ABCB1: variants seen among roughly 807,000 people sequenced by gnomAD.
The protein encoded by ABCB1 is ATP-dependent translocase ABCB1.
A neutral mutation model predicts 142.0 loss-of-function variants in ABCB1; 69 were observed. The observed-to-expected ratio is 0.49, with a 90% CI of 0.40 to 0.59. The LOEUF (loss-of-function observed/expected upper bound fraction) is 0.59. ABCB1 is among the 20% of genes least tolerant of loss of function. The probability of loss-of-function intolerance (pLI) is 0.00; values close to 1 mark genes in which losing one functional copy is unlikely to be tolerated. For missense variants in ABCB1, 1,326 were observed against 1,554.7 expected, an observed-to-expected ratio of 0.85 and a Z score of 2.47; for synonymous variants, 532 against 539.2, an observed-to-expected ratio of 0.99 and a Z score of 0.18.
intron 1 of ABCB1, among the ~76,000 whole-genome samples, chr7:87,614,756 G>A (rs1273997559): frequency 6.6e-6 from 1 of 151,950 alleles, no homozygotes; most frequent in Non-Finnish European, 1.5e-5. Context: ...CAGTTTAATA[G>A]CATGTTTAGG....
At chr7:87,571,282 G>A (rs1818041713) in intron 4 of ABCB1, among the ~76,000 whole-genome samples, 1 of 151,666 alleles carries the variant, frequency 6.6e-6, no homozygotes, top group African/African-American at 2.4e-5. Flanking sequence ...ATGGAGGGAG[G>A]TGGTTATGTA....
At chr7:87,709,676 G>A (rs1289527113) in intron 1 of ABCB1, among the ~76,000 whole-genome samples, 1 of 152,128 alleles carries the variant, frequency 6.6e-6, no homozygotes, top group Admixed American at 6.6e-5. Flanking sequence ...CATTTCTAGA[G>A]TATGTTTTTT....
intron 4 of ABCB1, among the ~76,000 whole-genome samples, chr7:87,580,030 T>C (rs1818444818): frequency 6.6e-6 from 1 of 151,990 alleles, no homozygotes; most frequent in Non-Finnish European, 1.5e-5. Context: ...TAGTTATTAT[T>C]TTTTATAGGT....
chr7:87,600,025 C>T (rs549930516), intron 2 of ABCB1, 92 bp downstream of exon 2: 2 of 1,238,480 alleles, frequency 1.6e-6, no homozygotes, highest in African/African-American at 1.5e-5. Context: ...TTAAAAACAA[C>T]AACATGTCAT....
At chr7:87,696,284 G>T (rs1828485497) in intron 1 of ABCB1, among the ~76,000 whole-genome samples, 1 of 152,102 alleles carries the variant, frequency 6.6e-6, no homozygotes, top group South Asian at 2.1e-4. Context: ...TTTAAAGGAA[G>T]TCAAAGTATT....
intron 21 of ABCB1, among the ~76,000 whole-genome samples, chr7:87,524,183 T>C (rs913439799): frequency 9.9e-5 from 15 of 152,166 alleles, no homozygotes; most frequent in Admixed American, 9.8e-4. Flanking sequence ...ATTAGTAACA[T>C]TCTTAGAAAC....
At chr7:87,591,899 G>A (rs1235131898) in intron 3 of ABCB1, among the ~76,000 whole-genome samples, 3 of 152,132 alleles carry the variant, frequency 2.0e-5, no homozygotes, top group Non-Finnish European at 2.9e-5. Context: ...CTTTACAGGC[G>A]AGGGCAGCAC....
chr7:87,548,169 A>AAGGGAAGGGAAG (rs1816880471), intron 14 of ABCB1, among the ~76,000 whole-genome samples: 8 of 21,802 alleles, frequency 3.7e-4, no homozygotes, highest in African/African-American at 4.8e-4. Flanking sequence ...GGGGAGGGAA[A>AAGGGAAGGGAAG]GGAAGGGAAG....
intron 14 of ABCB1, among the ~76,000 whole-genome samples, chr7:87,547,080 T>G (rs1816814406): frequency 6.6e-6 from 1 of 152,222 alleles, no homozygotes; most frequent in African/African-American, 2.4e-5. Context: ...AGGCCTTGTC[T>G]GAGACTTCTC....
chr7:87,658,963 G>A (rs949601152), intron 1 of ABCB1, among the ~76,000 whole-genome samples: 2 of 152,120 alleles, frequency 1.3e-5, no homozygotes, highest in South Asian at 4.1e-4. Context: ...ACCAGCCTGG[G>A]CAACATGGCA....
chr7:87,665,642 G>A (rs976759918), intron 1 of ABCB1, among the ~76,000 whole-genome samples: 1 of 152,034 alleles, frequency 6.6e-6, no homozygotes. Flanking sequence ...TATTACCCAG[G>A]TAATGAGCAT....
chr7:87,552,551 C>T (rs1285716243), intron 9 of ABCB1, among the ~76,000 whole-genome samples: 3 of 151,900 alleles, frequency 2.0e-5, no homozygotes, highest in Non-Finnish European at 4.4e-5. Context: ...TATATTCATG[C>T]CCAGTGAACA....
chr7:87,668,912 G>C (rs1200729234), intron 1 of ABCB1, among the ~76,000 whole-genome samples: 4 of 152,142 alleles, frequency 2.6e-5, no homozygotes, highest in African/African-American at 7.2e-5. Context: ...GTCAGTTTTA[G>C]AGTATGTGCC....
rs190588232 is a variant in ABCB1, at chr7:87,550,128, A to C, written c.1350+43T>G. ...CAACATCAGAAAGATGTGCAATGTG[A>C]CTGCTGATCACCGCAGGGTCTAGCT... On this transcript the variant is annotated intron_variant, in intron 12 of 27. Coordinates refer to ENST00000622132, the MANE Select transcript of ABCB1 (RefSeq NM_001348946.2). 46 of 1,614,128 alleles carry C rather than the reference A, an allele frequency of 2.8e-5. No individual in the cohort carries two copies. In the East Asian group the frequency reaches 8.0e-4, roughly 28 times the overall value.
intron 21 of ABCB1, among the ~76,000 whole-genome samples, chr7:87,530,438 G>A (rs1233544835): frequency 6.6e-6 from 1 of 152,068 alleles, no homozygotes; most frequent in East Asian, 1.9e-4. Context: ...GCCATGACCT[G>A]CCTGTGCCTC....
chr7:87,553,376 A>G (rs1266308211), intron 9 of ABCB1, among the ~76,000 whole-genome samples: 1 of 134,346 alleles, frequency 7.4e-6, no homozygotes, highest in Non-Finnish European at 1.5e-5. Context: ...GCTGCGGTGC[A>G]GTGGCGCAAT....
chr7:87,645,605 A>C (rs149034641), intron 1 of ABCB1, among the ~76,000 whole-genome samples: 2 of 152,366 alleles, frequency 1.3e-5, no homozygotes, highest in Non-Finnish European at 2.9e-5. Flanking sequence ...TTATTTAAAA[A>C]TCATTCCTTT....
chr7:87,560,007 C>T (rs922837242), intron 8 of ABCB1, among the ~76,000 whole-genome samples: 2 of 152,188 alleles, frequency 1.3e-5, no homozygotes, highest in Non-Finnish European at 2.9e-5. Context: ...AATAACTTAT[C>T]TAAATAGTAT....
upstream of ABCB1, among the ~76,000 whole-genome samples, chr7:87,603,611 T>A (rs1023627890): frequency 2.0e-5 from 3 of 152,232 alleles, no homozygotes; most frequent in Non-Finnish European, 4.4e-5. Flanking sequence ...ACATGTTCAC[T>A]CCATTTCAGC....
Sources: gnomAD v4.1 joint callset for allele counts (sites outside exome capture counted in the v4.1 genomes callset) on GRCh38, gnomAD v4.1.1 for gene constraint, MANE v1.5 for transcripts, NCBI Gene and HGNC (gene_info 2026-07-23, HGNC 2026-07-21) for gene names.